Variants in CC2D1A observed in about 807,000 individuals in gnomAD.
CC2D1A encodes coiled-coil and C2 domain containing 1A, also known as coiled-coil and C2 domain-containing protein 1A.
CC2D1A carries 68 observed loss-of-function variants against 123.8 expected under a neutral mutation model. The ratio of observed to expected loss-of-function variants is 0.55; its 90% CI spans 0.45 to 0.67. The LOEUF is 0.67. Ranked by LOEUF, CC2D1A falls within the 30% of genes least tolerant of loss-of-function variation. The pLI, the probability that CC2D1A is intolerant of heterozygous loss-of-function variation, is 0.00. For missense variants in CC2D1A, 1,185 were observed against 1,290.3 expected (o/e 0.92, Z 1.25); for synonymous variants, 477 against 528.0 (o/e 0.90, Z 1.32).
intron 12 of CC2D1A, 154 bp from the exon 13 acceptor site, chr19:13,920,402 GT>G (rs1971368618): frequency 1.6e-6 from 1 of 606,116 alleles, no homozygotes. Context: ...AAAAAAAGGT[GT>G]TTGGGGCCAG....
At chr19:13,916,376 G>A (rs901901456) in intron 6 of CC2D1A, among the ~76,000 whole-genome samples, 2 of 151,992 alleles carry the variant, frequency 1.3e-5, no homozygotes, top group African/African-American at 4.8e-5. Flanking sequence ...ATCTGTCTGG[G>A]CAACATAGGG....
In CC2D1A at chr19:13,927,659, TC is replaced by T. The variant is rs936189433; in HGVS notation, c.2317-231del. 5 of 531,766 alleles carry T rather than the reference TC, an allele frequency of 9.4e-6. No homozygotes were observed. The African/African-American group carries it at 9.5e-5, about 10-fold the overall frequency. 32.9% of individuals were successfully genotyped at this position (531,766 alleles called of 1,614,324 possible). A position where few individuals can be genotyped will look rare whatever the true frequency, so the allele number is the denominator to read the frequency against. On this transcript the variant is annotated intron_variant, in intron 22 of 28. Transcript: ENST00000318003. ...CAGGCATGGTGGCGGGCGCCTGTAG[TC>T]CCAGCTACTCGGGAGGCTGAGGCAG... is the stretch of plus-strand genomic sequence containing the variant.
rs919803855 is a variant in CC2D1A at position 13,913,282 on chromosome 19, C to T, written c.493C>T (p.Arg165Cys). Residue 165 changes from arginine (R) to cysteine (C), a missense_variant, in exon 5 of 29, where the codon CGC (arginine) becomes TGC (cysteine). Coordinates refer to ENST00000318003, the MANE Select transcript of CC2D1A (RefSeq NM_017721.5). ...AGCTGGAGACAGCGCCAAGATGCGG[C>T]GCTACGATCGGGGGCTTAAAGTAAG... Reference protein sequence around the residue: ...RQAGDSAKMRRYDRGLKTLEN... With the variant: ...RQAGDSAKMRCYDRGLKTLEN... 2.0e-5 allele frequency: 33 copies of T among 1,612,896 alleles called. No individual in the cohort carries two copies. Among genetic ancestry groups the T allele is most frequent in the Admixed American group, 6.7e-5 (4 of 59,866 alleles).
At chr19:13,925,680 G>A (rs931371359) in intron 17 of CC2D1A, among the ~76,000 whole-genome samples, 19 of 151,620 alleles carry the variant, frequency 1.3e-4, no homozygotes, top group Non-Finnish European at 2.5e-4. Flanking sequence ...GCCAGGCTGG[G>A]AGGCCAAGGC....
At chr19:13,908,954 C>T (rs1970892910) in intron 1 of CC2D1A, among the ~76,000 whole-genome samples, 1 of 151,238 alleles carries the variant, frequency 6.6e-6, no homozygotes, top group Non-Finnish European at 1.5e-5. Context: ...TTCAACAGGG[C>T]TTTACTCTGT....
Position 13,926,739 on chromosome 19 carries a change from T to A in CC2D1A, c.2073+14T>A. 1.2e-6 allele frequency: 2 copies of A among 1,614,116 alleles called. No homozygotes were observed. The highest frequency in any genetic ancestry group is 1.7e-6 in the Non-Finnish European group (2 of 1,180,002). ...TATCCCAACGTGGTACGTGGGGAGC[T>A]GAGGAGGGGAGGGCTGCAGCCTCAG... is the stretch of plus-strand genomic sequence containing the variant. On this transcript the variant is annotated intron_variant, in intron 19 of 28. Coordinates refer to ENST00000318003, the MANE Select transcript of CC2D1A (RefSeq NM_017721.5).
intron 2 of CC2D1A, among the ~76,000 whole-genome samples, chr19:13,911,356 T>C (rs2145302096): frequency 6.6e-6 from 1 of 152,312 alleles, no homozygotes; most frequent in East Asian, 1.9e-4. Flanking sequence ...AACAAGATAT[T>C]GGCAATATGC....
At chr19:13,917,854 C>T (rs1971260528) in intron 6 of CC2D1A, among the ~76,000 whole-genome samples, 1 of 152,068 alleles carries the variant, frequency 6.6e-6, no homozygotes, top group Non-Finnish European at 1.5e-5. Flanking sequence ...GCCTGTAATC[C>T]CAGCTACTCA....
chr19:13,927,455 A>G, intron 22 of CC2D1A, 190 bp downstream of exon 22: 1 of 595,796 alleles, frequency 1.7e-6, no homozygotes, highest in Non-Finnish European at 3.0e-6. Context: ...ATCAACTGGT[A>G]TCTCAGCCAT....
At chr19:13,916,149 C>T (rs949583476) in intron 6 of CC2D1A, among the ~76,000 whole-genome samples, 2 of 151,950 alleles carry the variant, frequency 1.3e-5, no homozygotes, top group Non-Finnish European at 1.5e-5. Flanking sequence ...CCCAGCCACT[C>T]GGGTGGATGA....
At chr19:13,928,573 A>G (rs1819185228) in intron 24 of CC2D1A, among the ~76,000 whole-genome samples, 1 of 151,600 alleles carries the variant, frequency 6.6e-6, no homozygotes, top group African/African-American at 2.4e-5. Flanking sequence ...TACCTCCTCC[A>G]GGAAGCCCTC....
chr19:13,930,457 C>A lies in CC2D1A; in HGVS notation c.*62C>A. The A allele has an allele frequency of 1.3e-6, 2 of 1,509,574 alleles. No homozygotes were observed. The highest frequency in any genetic ancestry group is 2.2e-5 in the Admixed American group (1 of 46,006). 93.5% of individuals were successfully genotyped at this position (1,509,574 alleles called of 1,614,324 possible). A position where few individuals can be genotyped will look rare whatever the true frequency, so the allele number is the denominator to read the frequency against. On this transcript the variant is annotated 3_prime_UTR_variant, in exon 29 of 29. Transcript: ENST00000318003. This position sits in a 1 kb window ranked among gnomAD's most constrained non-coding sequence, Gnocchi z 6.8. ...AGCAGGCCCCGATACCGGGAAGAGC[C>A]GACACAGCCACGAACCAGACAAGCA...
intron 14 of CC2D1A, 24 bp downstream of exon 14, chr19:13,920,946 A>C: frequency 6.3e-7 from 1 of 1,594,864 alleles, no homozygotes; most frequent in Non-Finnish European, 8.6e-7. Flanking sequence ...GCTTGTGGGA[A>C]CTGCCCAGGC....
chr19:13,908,715 G>A (rs1354118122), intron 1 of CC2D1A, among the ~76,000 whole-genome samples: 1 of 152,124 alleles, frequency 6.6e-6, no homozygotes, highest in Non-Finnish European at 1.5e-5. Flanking sequence ...GTGAGCCACC[G>A]CATGCAGCCA....
Position 13,927,305 on chromosome 19 carries a change from A to G in CC2D1A, c.2316+40A>G, listed in dbSNP as rs780404617. On this transcript the variant is annotated intron_variant, in intron 22 of 28. Transcript: ENST00000318003. ...TTCATCCGCGTGCTCCGGTATGGCC[A>G]TGCTACTCGTTAACATTATTAAAAC... The G allele has an allele frequency of 7.3e-6, 11 of 1,501,330 alleles. No individual in the cohort carries two copies. The Admixed American group carries it at 1.5e-4, about 21-fold the overall frequency. 93.0% of individuals were successfully genotyped at this position (1,501,330 alleles called of 1,614,324 possible). A position where few individuals can be genotyped will look rare whatever the true frequency, so the allele number is the denominator to read the frequency against.
At chr19:13,925,327 T>C (rs1363012204) in intron 17 of CC2D1A, among the ~76,000 whole-genome samples, 1 of 152,000 alleles carries the variant, frequency 6.6e-6, no homozygotes, top group Non-Finnish European at 1.5e-5. Context: ...ACGCCTGTAA[T>C]CCCAGCACTT....
chr19:13,918,724 G>T (rs1971294920), intron 8 of CC2D1A, 22 bp from the exon 9 acceptor site: 1 of 1,606,148 alleles, frequency 6.2e-7, no homozygotes, highest in Non-Finnish European at 8.5e-7. Flanking sequence ...CCCCTCATTG[G>T]CCTGGACCTC....
chr19:13,909,624 G>C (rs1970920986), intron 1 of CC2D1A, 199 bp from the exon 2 acceptor site: 1 of 704,238 alleles, frequency 1.4e-6, no homozygotes, highest in African/African-American at 1.7e-5. Context: ...CTTTGCCCCA[G>C]GTTGAACTGT....
At chr19:13,919,238 C>T in intron 11 of CC2D1A, 36 bp downstream of exon 11, 3 of 1,527,366 alleles carry the variant, frequency 2.0e-6, no homozygotes, top group Middle Eastern at 1.9e-4. Flanking sequence ...CCCCAGTAGG[C>T]CCCGCCCCCG....
Sources: allele counts gnomAD v4.1 joint callset (sites outside exome capture counted in the v4.1 genomes callset), GRCh38; gene constraint gnomAD v4.1.1; non-coding constraint Gnocchi (gnomAD v3.1); transcripts MANE v1.5; gene names NCBI Gene and HGNC (gene_info 2026-07-23, HGNC 2026-07-21).